MAPK6: variants seen among roughly 807,000 people sequenced by gnomAD.
MAPK6 encodes the protein mitogen-activated protein kinase 6.
MAPK6 carries 19 observed loss-of-function variants against 59.3 expected under a neutral mutation model. The observed-to-expected ratio is 0.32, with a 90% CI of 0.22 to 0.47. MAPK6 has a LOEUF of 0.47. Among genes scored for constraint, MAPK6 ranks in the 20% least tolerant of loss-of-function variants. The probability of loss-of-function intolerance (pLI) is 1.00; values close to 1 mark genes in which losing one functional copy is unlikely to be tolerated. For missense variants in MAPK6, 724 were observed against 847.9 expected (o/e 0.85, Z 1.81); for synonymous variants, 316 against 290.3 (o/e 1.09, Z -0.90).
rs1191899878 is a variant in MAPK6 at position 52,065,961 on chromosome 15, CT to C, written c.*963del. The C allele has an allele frequency of 6.6e-6, 1 of 152,346 alleles. No homozygotes were observed. The highest frequency in any genetic ancestry group is 1.5e-5 in the Non-Finnish European group (1 of 67,976). The allele number at this position is 152,346 out of a possible 1,614,324, so 9.4% of individuals were successfully genotyped here. ...TTTATTATAAAATGCTCCTAGAAGT[CT>C]TAATTGTGTTTATTTTTTAAAAAAA... On this transcript the variant is annotated 3_prime_UTR_variant, in exon 6 of 6. Transcript: ENST00000261845.
upstream of MAPK6, among the ~76,000 whole-genome samples, chr15:52,016,084 A>G (rs1334727875): frequency 8.0e-5 from 11 of 137,464 alleles, no homozygotes; most frequent in African/African-American, 1.4e-4. Context: ...ACACACACAC[A>G]CACACACACA....
At position 52,065,840 on chromosome 15, in the gene MAPK6, TAA is replaced by T. The variant is rs1026281651; in HGVS notation, c.*841_*842del. 4.6e-5 allele frequency: 7 copies of T among 152,650 alleles called. No homozygotes were observed. The highest frequency in any genetic ancestry group is 1.9e-4 in the East Asian group (1 of 5,206). 9.5% of individuals were successfully genotyped at this position (152,650 alleles called of 1,614,324 possible). A position where few individuals can be genotyped will look rare whatever the true frequency, so the allele number is the denominator to read the frequency against. ...AGGCTGTCCACGTACTTAATTTACT[TAA>T]GTGTTCATTTTAAGTAACGTGCTCA... On this transcript the variant is annotated 3_prime_UTR_variant, in exon 6 of 6. Transcript: ENST00000261845.
chr15:52,001,720 G>T (rs2057242579), intron 2 of MAPK6, among the ~76,000 whole-genome samples: 1 of 152,026 alleles, frequency 6.6e-6, no homozygotes, highest in Non-Finnish European at 1.5e-5. Context: ...TGTTGGCCAG[G>T]CTGGTCTCAA....
chr15:52,067,051 A>G lies in MAPK6; in HGVS notation c.*2051A>G, dbSNP rs1264975871. 4 of 152,050 alleles carry G rather than the reference A, an allele frequency of 2.6e-5. No homozygotes were observed. Among genetic ancestry groups the G allele is most frequent in the Non-Finnish European group, 5.9e-5 (4 of 67,990 alleles). The allele number at this position is 152,050 out of a possible 1,614,324, so 9.4% of individuals were successfully genotyped here. A position where few individuals can be genotyped will look rare whatever the true frequency, so the allele number is the denominator to read the frequency against. On this transcript the variant is annotated 3_prime_UTR_variant, in exon 6 of 6. Coordinates refer to ENST00000261845, the MANE Select transcript of MAPK6 (RefSeq NM_002748.4). ...GGTCCCTGATCCTCCATTATAACCAATTTTTTGCAAACGTATGTTGATTTT... is the reference window on the plus strand; with the variant it reads ...GGTCCCTGATCCTCCATTATAACCAGTTTTTTGCAAACGTATGTTGATTTT...
intron 2 of MAPK6, among the ~76,000 whole-genome samples, chr15:51,985,200 GGGT>G (rs1182834397): frequency 6.6e-6 from 1 of 152,010 alleles, no homozygotes; most frequent in Non-Finnish European, 1.5e-5. Flanking sequence ...TTAATTAGCT[GGGT>G]GTGGTGGCAT....
Position 52,046,248 on chromosome 15 carries a change from C to A in MAPK6, c.-213C>A, listed in dbSNP as rs1393019429. On this transcript the variant is annotated 5_prime_UTR_variant, in exon 2 of 6. Transcript: ENST00000261845. The stretch of plus-strand genomic sequence containing the variant: ...TATGAGTACTGCAATCTTTTTAATT[C>A]TCAATATGAATAGAGCTTTTTGAGC... 7 of 473,842 alleles carry A rather than the reference C, an allele frequency of 1.5e-5. No homozygotes were observed. Among genetic ancestry groups the A allele is most frequent in the African/African-American group, 5.9e-5 (3 of 50,696 alleles). 29.4% of individuals were successfully genotyped at this position (473,842 alleles called of 1,614,324 possible).
intron 2 of MAPK6, among the ~76,000 whole-genome samples, chr15:52,049,605 G>C (rs1210871152): frequency 6.7e-6 from 1 of 149,656 alleles, no homozygotes; most frequent in Non-Finnish European, 1.5e-5. Context: ...TGGGGTTAAA[G>C]ATTAGGATTT....
intron 2 of MAPK6, among the ~76,000 whole-genome samples, chr15:52,000,894 C>T (rs1234106980): frequency 1.3e-5 from 2 of 152,050 alleles, no homozygotes; most frequent in African/African-American, 4.8e-5. Context: ...TTTAGTGTAC[C>T]TATCACACTA....
At chr15:51,976,082 C>T (rs749478695) in intron 1 of MAPK6, among the ~76,000 whole-genome samples, 6 of 151,398 alleles carry the variant, frequency 4.0e-5, no homozygotes, top group South Asian at 2.1e-4. Context: ...CTGGCTAACA[C>T]GGTGAAACCC....
At chr15:52,016,048 T>C (rs2030232635), upstream of MAPK6, among the ~76,000 whole-genome samples, 1 of 77,222 alleles carries the variant, frequency 1.3e-5, no homozygotes, top group African/African-American at 5.2e-5. Context: ...AGAGCCAAAC[T>C]CCATCGCGCG....
intron 1 of MAPK6, among the ~76,000 whole-genome samples, chr15:51,979,722 G>A (rs1022548910): frequency 7.9e-5 from 12 of 151,726 alleles, no homozygotes; most frequent in Non-Finnish European, 1.5e-4. Flanking sequence ...GAGCCTGGGA[G>A]GTCGAGAGTA....
At chr15:52,011,451 A>G (rs1350322219) in intron 3 of MAPK6, 2 of 152,226 alleles carry the variant, frequency 1.3e-5, no homozygotes, top group Non-Finnish European at 2.9e-5. Flanking sequence ...CTAAGCACAG[A>G]AGGCTGTGAA....
At chr15:52,056,184 A>T (rs1423486675) in intron 3 of MAPK6, among the ~76,000 whole-genome samples, 1 of 152,224 alleles carries the variant, frequency 6.6e-6, no homozygotes, top group Non-Finnish European at 1.5e-5. Flanking sequence ...TTGTGTGTCC[A>T]GATTGTCTCT....
intron 2 of MAPK6, among the ~76,000 whole-genome samples, chr15:52,002,033 A>G (rs1272251490): frequency 6.6e-6 from 1 of 152,164 alleles, no homozygotes; most frequent in Non-Finnish European, 1.5e-5. Context: ...TGTCCTCAGC[A>G]TTCTCTGCCT....
At chr15:52,045,730 A>G (rs2031574747) in intron 1 of MAPK6, 100 bp from the exon 2 acceptor site, 1 of 152,666 alleles carries the variant, frequency 6.6e-6, no homozygotes, top group South Asian at 2.1e-4. Flanking sequence ...ATGTACCAGT[A>G]GTAGTTTATT....
chr15:52,020,554 C>G (rs370199241), intron 1 of MAPK6, among the ~76,000 whole-genome samples: 1 of 151,986 alleles, frequency 6.6e-6, no homozygotes, highest in Non-Finnish European at 1.5e-5. Context: ...TTTCTGATGG[C>G]TGATTCTTCT....
chr15:52,062,907 A>G (rs1247268982), intron 5 of MAPK6, among the ~76,000 whole-genome samples: 1 of 151,876 alleles, frequency 6.6e-6, no homozygotes, highest in East Asian at 1.9e-4. Context: ...ATTTTGATGT[A>G]TGGCCAAGTT....
At chr15:51,993,690 T>C (rs1039270061) in intron 2 of MAPK6, among the ~76,000 whole-genome samples, 1 of 152,166 alleles carries the variant, frequency 6.6e-6, no homozygotes, top group African/African-American at 2.4e-5. Flanking sequence ...ATATTTCATA[T>C]ATTCCCTAGC....
At chr15:51,978,123 C>T (rs911866245) in intron 1 of MAPK6, among the ~76,000 whole-genome samples, 8 of 148,028 alleles carry the variant, frequency 5.4e-5, no homozygotes, top group Non-Finnish European at 1.2e-4. Flanking sequence ...AAAGGAATTA[C>T]TGATGACAGT....
Sources: allele counts gnomAD v4.1 joint callset (sites outside exome capture counted in the v4.1 genomes callset), GRCh38; gene constraint gnomAD v4.1.1; transcripts MANE v1.5; gene names NCBI Gene and HGNC (gene_info 2026-07-23, HGNC 2026-07-21).